Variants in GLI3 observed in about 807,000 individuals in gnomAD.
The protein encoded by GLI3 is GLI family zinc finger 3.
A neutral mutation model predicts 100.8 loss-of-function variants in GLI3; 20 were observed. The ratio of observed to expected loss-of-function variants is 0.20; its 90% confidence interval spans 0.14 to 0.29. The LOEUF (loss-of-function observed/expected upper bound fraction) is 0.29. GLI3 is among the 10% of genes least tolerant of loss of function. The pLI, the probability that GLI3 is intolerant of heterozygous loss-of-function variation, is 1.00. For missense variants in GLI3, 2,040 were observed against 2,128.5 expected (o/e 0.96, Z 0.82); for synonymous variants, 938 against 860.5 (o/e 1.09, Z -1.58).
chr7:42,132,543 T>C (rs573203600), intron 3 of GLI3, among the ~76,000 whole-genome samples: 4 of 152,146 alleles, frequency 2.6e-5, no homozygotes, highest in Non-Finnish European at 5.9e-5. Flanking sequence ...AAACTAATAT[T>C]GGAATAATCA....
At chr7:41,976,158 C>T (rs969599343) in intron 12 of GLI3, among the ~76,000 whole-genome samples, 36 of 152,110 alleles carry the variant, frequency 2.4e-4, no homozygotes, top group African/African-American at 8.7e-4. Flanking sequence ...ATGTATCTAT[C>T]TATTCTAGAC....
intron 3 of GLI3, among the ~76,000 whole-genome samples, chr7:42,106,657 G>A (rs1219122180): frequency 6.6e-6 from 1 of 152,222 alleles, no homozygotes; most frequent in African/African-American, 2.4e-5. Context: ...AAGAAGGATT[G>A]AAGTGATGAA....
At chr7:42,102,226 G>A (rs184199710) in intron 3 of GLI3, among the ~76,000 whole-genome samples, 126 of 152,218 alleles carry the variant, frequency 8.3e-4, no homozygotes, top group African/African-American at 2.9e-3. Flanking sequence ...GGGTCAAATG[G>A]TATTTCTAGT....
rs1786016969 is a variant in GLI3 at position 42,122,163 on chromosome 7, G to A, written c.367+26063C>T. ...TATTTGATAAAAATAAGCCAGACCA[G>A]GAAATCAGATAGCATGCTTATATAT... is the stretch of plus-strand genomic sequence containing the variant. On this transcript the variant is annotated intron_variant, in intron 3 of 14. Transcript: ENST00000395925. 2.7e-5 allele frequency among the ~76,000 whole-genome samples: 4 copies of A among 149,902 alleles called. No homozygotes were observed. The South Asian group carries it at 8.4e-4, about 32-fold the overall frequency.
chr7:41,991,531 T>G (rs917617284), intron 10 of GLI3, among the ~76,000 whole-genome samples: 1 of 152,250 alleles, frequency 6.6e-6, no homozygotes, highest in African/African-American at 2.4e-5. Flanking sequence ...CCACTACATG[T>G]TCTATACCTA....
chr7:42,109,014 C>T (rs1031847455), intron 3 of GLI3, among the ~76,000 whole-genome samples: 17 of 152,012 alleles, frequency 1.1e-4, no homozygotes, highest in African/African-American at 4.1e-4. Flanking sequence ...AATCCTGTCC[C>T]CTCCACCCCA....
chr7:41,964,445 G>A lies in GLI3; in HGVS notation c.4628C>T (p.Ala1543Val). The stretch of plus-strand genomic sequence containing the variant: ...GGACAGCGCTGGGAATGGGAGGGAC[G>A]CCCGAGGCGTGGTGAGGCGGGAGGA... Reference protein sequence around the residue: ...HSSSRLTTPRASLPFPALSMS... With the variant: ...HSSSRLTTPRVSLPFPALSMS... The change falls in exon 15 of 15, where the codon GCG becomes GTG. Residue 1543 changes from alanine to valine, a missense_variant. Transcript: ENST00000395925. 1 of 1,614,128 alleles carries A rather than the reference G, an allele frequency of 6.2e-7. No homozygotes were observed. Among genetic ancestry groups the A allele is most frequent in the Non-Finnish European group, 8.5e-7 (1 of 1,179,944 alleles).
chr7:42,147,614 A>G (rs1786746105), intron 3 of GLI3, among the ~76,000 whole-genome samples: 1 of 152,254 alleles, frequency 6.6e-6, no homozygotes, highest in African/African-American at 2.4e-5. Flanking sequence ...ACATGAGTTC[A>G]GAGTCCTAGT....
intron 2 of GLI3, among the ~76,000 whole-genome samples, chr7:42,182,119 T>A (rs1041158007): frequency 2.6e-5 from 4 of 152,214 alleles, no homozygotes; most frequent in East Asian, 3.9e-4. Flanking sequence ...TGAGCAGCAC[T>A]GTCCAATAGC....
rs1301296601 is a variant in GLI3 at position 41,965,689 on chromosome 7, G to A, written c.3384C>T (p.Asp1128=). Residue 1128 remains aspartate, a synonymous_variant, in exon 15 of 15, where the codon GAC becomes GAT. Transcript: ENST00000395925. ...TGTCTGGCAGCCCGGGCGCGTCAAA[G>A]TCACCGGGCCCGTGGGGCACTTTGC... is the stretch of plus-strand genomic sequence containing the variant. ...DDSKVPHGPG[D]FDAPGLPDSH... is the part of the protein sequence containing the mutation. 1.9e-6 allele frequency: 3 copies of A among 1,613,474 alleles called. No homozygotes were observed. The highest frequency in any genetic ancestry group is 2.7e-5 in the African/African-American group (2 of 74,996).
rs529267535 is a variant in GLI3 at position 42,170,605 on chromosome 7, T to C, written c.125-22137A>G. 6.5e-3 allele frequency among the ~76,000 whole-genome samples: 984 copies of C among 152,038 alleles called. 3 individuals are homozygous for C. Among genetic ancestry groups the C allele is most frequent in the Non-Finnish European group, 0.011 (763 of 67,962 alleles). On this transcript the variant is annotated intron_variant, in intron 2 of 14. Coordinates refer to ENST00000395925, the MANE Select transcript of GLI3 (RefSeq NM_000168.6). ...TTGTAATAGGGACGAGGTTTCACCA[T>C]GTTAGCCAGGATGGTCTCGACCTCC... is the stretch of plus-strand genomic sequence containing the variant.
chr7:42,005,748 A>G (rs150022895), intron 10 of GLI3, among the ~76,000 whole-genome samples: 13 of 152,200 alleles, frequency 8.5e-5, no homozygotes, highest in African/African-American at 2.4e-4. Context: ...TTATTTTACT[A>G]TCTCTCTAAC....
intron 2 of GLI3, among the ~76,000 whole-genome samples, chr7:42,193,685 T>C (rs1260846269): frequency 6.6e-6 from 1 of 152,132 alleles, no homozygotes; most frequent in Non-Finnish European, 1.5e-5. Context: ...TTTAACTCAA[T>C]ATTACCTGTG....
At chr7:42,230,396 C>G (rs918553095) in intron 1 of GLI3, among the ~76,000 whole-genome samples, 1 of 152,216 alleles carries the variant, frequency 6.6e-6, no homozygotes, top group African/African-American at 2.4e-5. Flanking sequence ...AATGGAATTA[C>G]TCCAAGGGGA....
chr7:42,028,589 C>T (rs1266119733), intron 7 of GLI3, among the ~76,000 whole-genome samples: 2 of 151,968 alleles, frequency 1.3e-5, no homozygotes, highest in Non-Finnish European at 2.9e-5. Context: ...CATGGCGAAA[C>T]CTCGTTTCTA....
intron 10 of GLI3, among the ~76,000 whole-genome samples, chr7:41,980,822 C>T (rs1787644143): frequency 6.6e-6 from 1 of 152,150 alleles, no homozygotes; most frequent in Admixed American, 6.5e-5. Context: ...CCACTCACAC[C>T]AGGCCCTGTG....
intron 2 of GLI3, among the ~76,000 whole-genome samples, chr7:42,213,143 G>A (rs1788304073): frequency 6.6e-6 from 1 of 152,122 alleles, no homozygotes; most frequent in Admixed American, 6.5e-5. Context: ...CCATTATGAT[G>A]CGCTTAAACA....
intron 3 of GLI3, among the ~76,000 whole-genome samples, chr7:42,085,299 G>C (rs916499219): frequency 1.3e-5 from 2 of 152,154 alleles, no homozygotes; most frequent in Non-Finnish European, 2.9e-5. Context: ...TTTGGAAGTT[G>C]TATTCTATTC....
intron 3 of GLI3, among the ~76,000 whole-genome samples, chr7:42,127,839 C>T (rs1413036628): frequency 6.6e-6 from 1 of 151,812 alleles, no homozygotes; most frequent in Non-Finnish European, 1.5e-5. Context: ...AAAACTCTAT[C>T]TCTATAAAAA....
Sources: gnomAD v4.1 joint callset for allele counts (sites outside exome capture counted in the v4.1 genomes callset) on GRCh38, gnomAD v4.1.1 for gene constraint, MANE v1.5 for transcripts, NCBI Gene and HGNC (gene_info 2026-07-23, HGNC 2026-07-21) for gene names.